Variants in ADAM28 observed in about 807,000 individuals in gnomAD.
The protein encoded by ADAM28 is disintegrin and metalloproteinase domain-containing protein 28.
ADAM28 carries 105 observed loss-of-function variants against 101.2 expected under a neutral mutation model. The ratio of observed to expected loss-of-function variants is 1.04; its 90% CI spans 0.89 to 1.22. The LOEUF is 1.22. ADAM28 is among the 50% of genes most tolerant of loss of function. The probability of loss-of-function intolerance (pLI) is 0.00; values close to 1 mark genes in which losing one functional copy is unlikely to be tolerated. For missense variants in ADAM28, 1,028 were observed against 945.4 expected (o/e 1.09, Z -1.15); for synonymous variants, 322 against 310.6 (o/e 1.04, Z -0.39).
At position 24,354,550 on chromosome 8, in the gene ADAM28, A is replaced by G. The variant is rs1816546602; in HGVS notation, c.*146A>G. 1.1e-6 allele frequency: 1 copy of G among 933,738 alleles called. No homozygotes were observed. The highest frequency in any genetic ancestry group is 1.5e-6 in the Non-Finnish European group (1 of 659,300). 57.8% of individuals were successfully genotyped at this position (933,738 alleles called of 1,614,324 possible). ...ATTTTCTGATTCATGTTAGACTTTG[A>G]AGAGACTAAAGAAAATTTTCAAGAG... On this transcript the variant is annotated 3_prime_UTR_variant, in exon 23 of 23. Coordinates refer to ENST00000265769, the MANE Select transcript of ADAM28 (RefSeq NM_014265.6).
At chr8:24,340,104 A>C (rs1472979652) in intron 15 of ADAM28, among the ~76,000 whole-genome samples, 1 of 152,202 alleles carries the variant, frequency 6.6e-6, no homozygotes, top group Non-Finnish European at 1.5e-5. Context: ...CCGGGAAAAC[A>C]CTATAGAACA....
intron 7 of ADAM28, among the ~76,000 whole-genome samples, 171 bp downstream of exon 7, chr8:24,320,478 A>ATTT (rs10663698): frequency 0.036 from 5,511 of 152,018 alleles, 344 homozygotes; most frequent in African/African-American, 0.12. Context: ...AGCTGATATG[A>ATTT]CTTCTTTTCA....
In ADAM28 at chr8:24,326,063, T is replaced by G. The variant is rs534951886; in HGVS notation, c.891-491T>G. Among the ~76,000 whole-genome samples the G allele has an allele frequency of 6.1e-3, 919 of 151,886 alleles. 7 individuals carry two copies. The highest frequency in any genetic ancestry group is 9.5e-3 in the Non-Finnish European group (643 of 67,862). ...AAACCCCTCTCCAGTATAAAACTTA[T>G]TTGAATAATATAAATGATCACTAAT... On this transcript the variant is annotated intron_variant, in intron 9 of 22. Transcript: ENST00000265769.
intron 21 of ADAM28, 23 bp from the exon 22 acceptor site, chr8:24,353,747 C>T (rs1244359567): frequency 1.4e-6 from 2 of 1,384,640 alleles, no homozygotes; most frequent in South Asian, 1.2e-5. Flanking sequence ...AATGCCATAC[C>T]ATTGTTTTTA....
At position 24,353,110 on chromosome 8, in the gene ADAM28, TA is replaced by T. The variant is rs1486738352; in HGVS notation, c.2245-654del. On this transcript the variant is annotated intron_variant, in intron 21 of 22. Coordinates refer to ENST00000265769, the MANE Select transcript of ADAM28 (RefSeq NM_014265.6). ...TAGTATGGATATTGATGTTTTATTA[TA>T]AAAAATAGTATTGCTGTTATGCAAT... Among the ~76,000 whole-genome samples the T allele has an allele frequency of 6.6e-5, 10 of 152,274 alleles. No homozygotes were observed. The South Asian group carries it at 8.3e-4, about 13-fold the overall frequency.
rs1441695872 is a variant in ADAM28, at chr8:24,351,262, C to G, written c.2130C>G (p.His710Gln). The part of the protein sequence containing the change: ...RPLSTTGTRP[H>Q]KQKRKPQMVK... ...TATCTACCACTGGCACCAGGCCACACAAACAGAAGAGGAAACCCCAGATGG... is the reference window on the plus strand; with the variant it reads ...TATCTACCACTGGCACCAGGCCACAGAAACAGAAGAGGAAACCCCAGATGG... Residue 710 changes from histidine (H) to glutamine (Q), a missense_variant, in exon 20 of 23, where the codon CAC becomes CAG. Coordinates refer to ENST00000265769, the MANE Select transcript of ADAM28 (RefSeq NM_014265.6). The G allele has an allele frequency of 6.2e-7, 1 of 1,609,870 alleles. No homozygotes were observed. Among genetic ancestry groups the G allele is most frequent in the Admixed American group, 1.7e-5 (1 of 59,504 alleles).
At chr8:24,346,948 A>G (rs1200064390) in intron 18 of ADAM28, 2 of 152,094 alleles carry the variant, frequency 1.3e-5, no homozygotes, top group African/African-American at 4.8e-5. Flanking sequence ...TTCCCTCACT[A>G]TCAACACTGT....
intron 19 of ADAM28, 89 bp downstream of exon 19, chr8:24,350,061 T>G: frequency 8.7e-7 from 1 of 1,149,596 alleles, no homozygotes; most frequent in Non-Finnish European, 1.2e-6. Context: ...CCTTTCAAAT[T>G]GAATTGGTTT....
rs138123831 is a variant in ADAM28, at chr8:24,341,647, C to G, written c.1720C>G (p.Pro574Ala). Residue 574 changes from proline to alanine, a missense_variant, in exon 16 of 23, where the codon CCC becomes GCC. By Grantham distance (27) the Pro-to-Ala change is conservative. Transcript: ENST00000265769. ...LFCQGGSDNL[P>A]WKGRIVTFLT... ...CTGTCAAGGTGGGTCGGATAATTTGCCCTGGAAAGGACGGATAGTGACTTT... is the reference window on the plus strand; with the variant it reads ...CTGTCAAGGTGGGTCGGATAATTTGGCCTGGAAAGGACGGATAGTGACTTT... 6.2e-7 allele frequency: 1 copy of G among 1,613,698 alleles called. No individual in the cohort carries two copies. Among genetic ancestry groups the G allele is most frequent in the Admixed American group, 1.7e-5 (1 of 59,984 alleles).
chr8:24,342,927 G>T (rs551697802), intron 16 of ADAM28, 174 bp from the exon 17 acceptor site: 228 of 1,254,704 alleles, frequency 1.8e-4, no homozygotes, highest in Non-Finnish European at 2.3e-4. Flanking sequence ...TTTTGGGTTG[G>T]TTTAACTAAG....
intron 6 of ADAM28, 23 bp from the exon 7 acceptor site, chr8:24,320,213 T>A (rs2129285545): frequency 6.7e-7 from 1 of 1,498,208 alleles, no homozygotes; most frequent in Non-Finnish European, 9.2e-7. Flanking sequence ...ATTGTATCAG[T>A]AATTCTACTC....
Position 24,309,928 on chromosome 8 carries a change from C to T in ADAM28, c.185C>T (p.Thr62Ile). ...QFETELKYKM[T>I]INGKIAVLYL... is the part of the protein sequence containing the mutation. ...GAAACTGAATTAAAGTATAAAATGA[C>T]AATTAATGGAAAAATTGCAGTGCTT... The change falls in exon 3 of 23, where the codon ACA (threonine) becomes ATA (isoleucine). Residue 62 changes from threonine to isoleucine, a missense_variant. Physicochemically the swap from Thr to Ile is moderately conservative, Grantham distance 89 (BLOSUM62 -1). Coordinates refer to ENST00000265769, the MANE Select transcript of ADAM28 (RefSeq NM_014265.6). The T allele has an allele frequency of 1.9e-6, 3 of 1,562,826 alleles. No individual in the cohort carries two copies. The highest frequency in any genetic ancestry group is 1.1e-5 in the South Asian group (1 of 88,538).
rs1810266029 is a variant in ADAM28, at chr8:24,310,215, G to C, written c.280G>C (p.Glu94Gln). The change falls in exon 4 of 23, where the codon GAG becomes CAG. Residue 94 changes from glutamate (E) to glutamine (Q), a missense_variant. Physicochemically the swap from Glu to Gln is conservative, Grantham distance 29. Coordinates refer to ENST00000265769, the MANE Select transcript of ADAM28 (RefSeq NM_014265.6). ...TETYYNSTGK[E>Q]ITTSPQIMDD... ...AACATATTATAATTCCACTGGAAAGGAGATCACCACAAGCCCACAAATTAT... is the reference window on the plus strand; with the variant it reads ...AACATATTATAATTCCACTGGAAAGCAGATCACCACAAGCCCACAAATTAT... The C allele has an allele frequency of 6.2e-7, 1 of 1,613,412 alleles. No individual in the cohort carries two copies. Among genetic ancestry groups the C allele is most frequent in the Non-Finnish European group, 8.5e-7 (1 of 1,179,600 alleles).
intron 18 of ADAM28, among the ~76,000 whole-genome samples, chr8:24,346,594 T>G (rs1221026148): frequency 2.6e-5 from 4 of 152,102 alleles, no homozygotes; most frequent in Admixed American, 6.6e-5. Flanking sequence ...CCCTACGACA[T>G]GGCCATACAC....
At chr8:24,354,013 G>A (rs1265838893) in intron 22 of ADAM28, among the ~76,000 whole-genome samples, 181 bp downstream of exon 22, 2 of 151,872 alleles carry the variant, frequency 1.3e-5, no homozygotes, top group Non-Finnish European at 2.9e-5. Context: ...AGAGAAATTA[G>A]AAGATTCTCA....
At chr8:24,342,346 T>C (rs1814882267) in intron 16 of ADAM28, among the ~76,000 whole-genome samples, 2 of 152,198 alleles carry the variant, frequency 1.3e-5, no homozygotes, top group African/African-American at 4.8e-5. Flanking sequence ...AATATTATCC[T>C]ATTTACTTAA....
At chr8:24,310,696 T>TGAG (rs1810338590) in intron 4 of ADAM28, among the ~76,000 whole-genome samples, 1 of 152,204 alleles carries the variant, frequency 6.6e-6, no homozygotes, top group Non-Finnish European at 1.5e-5. Context: ...TGTAGCCATG[T>TGAG]GAGGGGTCAT....
rs1311134986 is a variant in ADAM28 at position 24,357,280 on chromosome 8, T to C, written c.*2876T>C. 1 of 152,222 alleles carries C rather than the reference T, an allele frequency of 6.6e-6. No homozygotes were observed. Among genetic ancestry groups the C allele is most frequent in the Non-Finnish European group, 1.5e-5 (1 of 68,036 alleles). The allele number at this position is 152,222 out of a possible 1,614,324, so 9.4% of individuals were successfully genotyped here. On this transcript the variant is annotated 3_prime_UTR_variant, in exon 23 of 23. Transcript: ENST00000265769. Reference sequence around the variant, plus strand: ...TAAAGTTGTTATGGTTTGGAGATATTTGTTATGCAGCAATAGATAGCTGAT... The same window carrying C: ...TAAAGTTGTTATGGTTTGGAGATATCTGTTATGCAGCAATAGATAGCTGAT...
In ADAM28 at chr8:24,336,042, GTGT is replaced by G; in HGVS notation, c.1567+402_1567+404del. 6.6e-6 allele frequency: 6 copies of G among 909,142 alleles called. No homozygotes were observed. The African/African-American group carries it at 7.2e-5, about 11-fold the overall frequency. The allele number at this position is 909,142 out of a possible 1,614,324, so 56.3% of individuals were successfully genotyped here. ...CTTGGAAATCTGTGTGTGTGCGGGT[GTGT>G]GTGTGTGTGTGTGTGCAGGGGTGGC... is the stretch of plus-strand genomic sequence containing the variant. On this transcript the variant is annotated intron_variant, in intron 14 of 22. Transcript: ENST00000265769.
Sources: allele counts gnomAD v4.1 joint callset (sites outside exome capture counted in the v4.1 genomes callset), GRCh38; gene constraint gnomAD v4.1.1; transcripts MANE v1.5; gene names NCBI Gene and HGNC (gene_info 2026-07-23, HGNC 2026-07-21).